RBM46: variants seen among roughly 807,000 people sequenced by gnomAD.
RBM46 encodes probable RNA-binding protein 46.
Under a neutral mutation model 43.3 loss-of-function variants are expected in RBM46, and 12 were observed. The ratio of observed to expected loss-of-function variants is 0.28; its 90% CI spans 0.18 to 0.45. RBM46 has a LOEUF of 0.45. Among genes scored for constraint, RBM46 ranks in the 20% least tolerant of loss-of-function variants. The pLI, the probability that RBM46 is intolerant of heterozygous loss-of-function variation, is 1.00. For missense variants in RBM46, 412 were observed against 639.1 expected, an observed-to-expected ratio of 0.64 and a Z score of 3.83; for synonymous variants, 205 against 207.6, an observed-to-expected ratio of 0.99 and a Z score of 0.11.
At chr4:154,797,035 T>C (rs1328266279) in intron 2 of RBM46, 132 bp downstream of exon 2, 1 of 612,450 alleles carries the variant, frequency 1.6e-6, no homozygotes, top group Non-Finnish European at 2.7e-6. Flanking sequence ...TTTTTTACTG[T>C]TGAGGAGAGT....
intron 1 of RBM46, among the ~76,000 whole-genome samples, chr4:154,783,742 G>C (rs896221772): frequency 6.6e-6 from 1 of 151,858 alleles, no homozygotes. Context: ...AAGTCATTCA[G>C]AATTTAAACT....
In RBM46 at chr4:154,790,961, C is replaced by T. The variant is rs191425734; in HGVS notation, c.-11-5781C>T. Among the ~76,000 whole-genome samples the T allele has an allele frequency of 2.9e-4, 44 of 152,290 alleles. 2 individuals carry two copies. The East Asian group carries it at 4.8e-3, about 17-fold the overall frequency. ...AATTTCAACCGACAATAGCATGCAG[C>T]TTTGTAGAACACCATTGTGCTGTTT... On this transcript the variant is annotated intron_variant, in intron 1 of 4. Coordinates refer to ENST00000281722, the MANE Select transcript of RBM46 (RefSeq NM_144979.5).
intron 4 of RBM46, among the ~76,000 whole-genome samples, chr4:154,805,452 A>C (rs191108750): frequency 1.1e-4 from 16 of 152,182 alleles, no homozygotes; most frequent in Admixed American, 9.8e-4. Flanking sequence ...ACATCAGTAG[A>C]ATCTTGCATT....
chr4:154,819,704 T>C (rs1362942063), intron 4 of RBM46, among the ~76,000 whole-genome samples: 1 of 152,138 alleles, frequency 6.6e-6, no homozygotes, highest in Non-Finnish European at 1.5e-5. Flanking sequence ...TTATCAGAAA[T>C]TTTTCATTTG....
chr4:154,818,776 G>A (rs1293259778), intron 4 of RBM46, among the ~76,000 whole-genome samples: 1 of 151,876 alleles, frequency 6.6e-6, no homozygotes, highest in Non-Finnish European at 1.5e-5. Context: ...CCATCCTTTT[G>A]TATGTCAGTC....
intron 2 of RBM46, among the ~76,000 whole-genome samples, chr4:154,797,548 C>T (rs1734415140): frequency 6.6e-6 from 1 of 152,150 alleles, no homozygotes; most frequent in African/African-American, 2.4e-5. Context: ...CAGGTCTCTG[C>T]TTAAATCTCA....
intron 4 of RBM46, among the ~76,000 whole-genome samples, chr4:154,826,163 GAAA>G (rs755904602): frequency 7.5e-6 from 1 of 133,386 alleles, no homozygotes; most frequent in Admixed American, 7.6e-5. Flanking sequence ...AAAAAAAAAA[GAAA>G]AAAAAAAAGC....
intron 1 of RBM46, among the ~76,000 whole-genome samples, chr4:154,794,415 C>T (rs770094389): frequency 6.6e-6 from 1 of 151,964 alleles, no homozygotes; most frequent in South Asian, 2.1e-4. Flanking sequence ...CTCCTGACCT[C>T]GTGATCTGCC....
intron 4 of RBM46, among the ~76,000 whole-genome samples, chr4:154,821,782 G>T (rs973359679): frequency 1.3e-5 from 2 of 151,646 alleles, no homozygotes; most frequent in Admixed American, 6.6e-5. Context: ...ACTCCATTGA[G>T]ATTTCTTCCC....
chr4:154,797,194 G>A (rs1364417895), intron 2 of RBM46, among the ~76,000 whole-genome samples: 1 of 152,188 alleles, frequency 6.6e-6, no homozygotes, highest in Non-Finnish European at 1.5e-5. Flanking sequence ...AGGTGTTAAA[G>A]AGGAGATCAT....
chr4:154,786,114 C>A lies in RBM46; in HGVS notation c.-12+4678C>A, dbSNP rs116266542. ...TTATCTTCTGTTTTTTGAGATGGAGCCTCGTTTTCTCCCCCAGGCTGGAAT... is the reference window on the plus strand; with the variant it reads ...TTATCTTCTGTTTTTTGAGATGGAGACTCGTTTTCTCCCCCAGGCTGGAAT... On this transcript the variant is annotated intron_variant, in intron 1 of 4. Coordinates refer to ENST00000281722, the MANE Select transcript of RBM46 (RefSeq NM_144979.5). 5.6e-3 allele frequency among the ~76,000 whole-genome samples: 856 copies of A among 152,174 alleles called. 10 individuals carry two copies. Among genetic ancestry groups the A allele is most frequent in the African/African-American group, 0.02 (832 of 41,534 alleles).
chr4:154,801,845 A>C (rs1734654501), intron 4 of RBM46, among the ~76,000 whole-genome samples: 1 of 152,174 alleles, frequency 6.6e-6, no homozygotes, highest in South Asian at 2.1e-4. Context: ...CTAAGAAAAC[A>C]CCTAATCAGG....
At chr4:154,789,541 A>G (rs1310398290) in intron 1 of RBM46, among the ~76,000 whole-genome samples, 15 of 152,150 alleles carry the variant, frequency 9.9e-5, no homozygotes, top group Admixed American at 9.2e-4. Context: ...ATCATGGTGG[A>G]TAAGCTTTTT....
intron 1 of RBM46, among the ~76,000 whole-genome samples, chr4:154,794,571 G>T (rs1734258808): frequency 6.6e-6 from 1 of 152,104 alleles, no homozygotes. Context: ...AGAATCTATA[G>T]TAGCTCCTCA....
chr4:154,795,816 A>G (rs530658406), intron 1 of RBM46, among the ~76,000 whole-genome samples: 2 of 152,264 alleles, frequency 1.3e-5, no homozygotes, highest in East Asian at 3.9e-4. Context: ...GTAAAAAATA[A>G]TCATCTGAGA....
intron 4 of RBM46, among the ~76,000 whole-genome samples, chr4:154,805,955 G>A (rs1390780534): frequency 6.6e-6 from 1 of 151,714 alleles, no homozygotes; most frequent in Non-Finnish European, 1.5e-5. Context: ...AAAGAACAAA[G>A]GTAATTTGCA....
intron 4 of RBM46, among the ~76,000 whole-genome samples, chr4:154,809,878 C>T (rs1401365766): frequency 1.3e-5 from 2 of 151,924 alleles, no homozygotes; most frequent in Non-Finnish European, 2.9e-5. Context: ...GAAATTGAGA[C>T]AATTGGAAAT....
chr4:154,816,300 C>T (rs191410505), intron 4 of RBM46, among the ~76,000 whole-genome samples: 315 of 152,000 alleles, frequency 2.1e-3, no homozygotes, highest in Middle Eastern at 3.4e-3. Flanking sequence ...TTGATTGGAA[C>T]GGAATTGAAT....
chr4:154,792,847 G>T lies in RBM46; in HGVS notation c.-11-3895G>T, dbSNP rs544341135. 2.6e-5 allele frequency among the ~76,000 whole-genome samples: 4 copies of T among 152,270 alleles called. No individual in the cohort carries two copies. The East Asian group carries it at 7.7e-4, about 29-fold the overall frequency. On this transcript the variant is annotated intron_variant, in intron 1 of 4. Transcript: ENST00000281722. ...AAGAAATGAAGCTGGAGGAAGAGATGATGAAGAGATCCTTATGGCTTTCTA... is the reference window on the plus strand; with the variant it reads ...AAGAAATGAAGCTGGAGGAAGAGATTATGAAGAGATCCTTATGGCTTTCTA...
Sources: gnomAD v4.1 joint callset for allele counts (sites outside exome capture counted in the v4.1 genomes callset) on GRCh38, gnomAD v4.1.1 for gene constraint, MANE v1.5 for transcripts, NCBI Gene and HGNC (gene_info 2026-07-23, HGNC 2026-07-21) for gene names.